The following USP40 variants were observed in gnomAD, a reference collection of about 807,000 sequenced individuals.
USP40 encodes the protein ubiquitin specific peptidase 40.
Under a neutral mutation model 166.2 loss-of-function variants are expected in USP40, and 143 were observed. The observed-to-expected ratio is 0.86, with a 90% CI of 0.75 to 0.99. The LOEUF is 0.99. USP40 is among the 50% of genes least tolerant of loss of function. The pLI, the probability that USP40 is intolerant of heterozygous loss-of-function variation, is 0.00. For synonymous variants in USP40, 498 were observed against 524.0 expected (o/e 0.95, Z 0.68); for missense variants, 1,444 against 1,479.7 (o/e 0.98, Z 0.40).
intron 18 of USP40, among the ~76,000 whole-genome samples, chr2:233,517,182 G>A (rs1412462271): frequency 6.6e-6 from 1 of 152,090 alleles, no homozygotes; most frequent in Non-Finnish European, 1.5e-5. Flanking sequence ...TGGCCATGTT[G>A]GTGTGGATAT....
chr2:233,514,362 A>G (rs1005929125), intron 18 of USP40, among the ~76,000 whole-genome samples: 5 of 152,238 alleles, frequency 3.3e-5, no homozygotes, highest in Non-Finnish European at 5.9e-5. Flanking sequence ...AACATCTCAT[A>G]TAAGACCAAA....
intron 24 of USP40, among the ~76,000 whole-genome samples, chr2:233,496,444 C>A (rs2065755528): frequency 5.3e-5 from 8 of 152,072 alleles, no homozygotes; most frequent in Admixed American, 5.2e-4. Flanking sequence ...AAGTTTCCAA[C>A]AATGAGGATA....
chr2:233,564,145 T>C (rs776841536), intron 2 of USP40, among the ~76,000 whole-genome samples: 2 of 152,126 alleles, frequency 1.3e-5, no homozygotes, highest in African/African-American at 2.4e-5. Flanking sequence ...ACCCATTAAA[T>C]TGCTCCTAGG....
chr2:233,495,243 G>A (rs1232704754), intron 24 of USP40, among the ~76,000 whole-genome samples: 1 of 151,532 alleles, frequency 6.6e-6, no homozygotes, highest in African/African-American at 2.4e-5. Context: ...AATCTTTTGT[G>A]CAAATAAAAA....
Position 233,510,058 on chromosome 2 carries a change from A to G in USP40, c.2604T>C (p.Ser868=). 1 of 1,589,824 alleles carries G rather than the reference A, an allele frequency of 6.3e-7. No homozygotes were observed. The highest frequency in any genetic ancestry group is 8.6e-7 in the Non-Finnish European group (1 of 1,166,610). Residue 868 remains serine, a synonymous_variant, in exon 21 of 32, where the codon TCT becomes TCC. Transcript: ENST00000678225. ...EMEIVVEETI[S]VRDCLKLMLK... ...AGGTAAAATTACTTACATCTCTCAC[A>G]GATATTGTTTCTTCTACTACGATTT...
intron 28 of USP40, 151 bp downstream of exon 28, chr2:233,488,080 GACATACAA>G: frequency 1.4e-6 from 1 of 735,210 alleles, no homozygotes. Flanking sequence ...TAGATGCCCA[GACATACAA>G]ACATATTTCT....
At position 233,514,042 on chromosome 2, in the gene USP40, A is replaced by G. The variant is rs909926156; in HGVS notation, c.2384-1420T>C. On this transcript the variant is annotated intron_variant, in intron 18 of 31. Coordinates refer to ENST00000678225, the MANE Select transcript of USP40 (RefSeq NM_001365479.2). ...TTGTCGACGGAAACAATTTACTTAA[A>G]GAGTTCCCCAACTTAAAAAGTGCTT... 4.6e-5 allele frequency among the ~76,000 whole-genome samples: 7 copies of G among 152,248 alleles called. No individual in the cohort carries two copies. The East Asian group carries it at 1.3e-3, about 29-fold the overall frequency.
At position 233,565,556 on chromosome 2, in the gene USP40, G is replaced by C; in HGVS notation, c.-2C>G. The C allele has an allele frequency of 3.9e-6, 6 of 1,536,478 alleles. No homozygotes were observed. Among genetic ancestry groups the C allele is most frequent in the Non-Finnish European group, 5.2e-6 (6 of 1,146,630 alleles). ...CTCTTCAAACAGGTCCCCAAACATT[G>C]TGAAACTAAATACTACCCTTAAAAA... is the stretch of plus-strand genomic sequence containing the variant. On this transcript the variant is annotated 5_prime_UTR_variant, in exon 2 of 32. Transcript: ENST00000678225.
rs764025570 is a variant in USP40, at chr2:233,523,487, A to G, written c.1884T>C (p.Val628=). The G allele has an allele frequency of 4.0e-5, 65 of 1,611,480 alleles. No homozygotes were observed. Among genetic ancestry groups the G allele is most frequent in the Non-Finnish European group, 5.4e-5 (64 of 1,178,346 alleles). ...EDIFVWNGVE[V]GGVHIQTGID... ...TACCAGTTTGAATGTGGACTCCACC[A>G]ACCTGCAATCATACCAAGACAACCA... The change falls in exon 16 of 32, where the codon GTT becomes GTC. Residue 628 remains valine (V), a splice_region_variant and synonymous_variant. Transcript: ENST00000678225.
At chr2:233,501,232 A>T (rs2066054903) in intron 21 of USP40, among the ~76,000 whole-genome samples, 1 of 152,184 alleles carries the variant, frequency 6.6e-6, no homozygotes, top group African/African-American at 2.4e-5. Flanking sequence ...GAGAGCATAA[A>T]AGCCTTATTT....
Position 233,525,488 on chromosome 2 carries a change from C to G in USP40, c.1800G>C (p.Gln600His), listed in dbSNP as rs1343102063. Residue 600 changes from glutamine to histidine, a missense_variant, in exon 14 of 32, where the codon CAG becomes CAC. Coordinates refer to ENST00000678225, the MANE Select transcript of USP40 (RefSeq NM_001365479.2). The stretch of plus-strand genomic sequence containing the variant: ...TCATATTTATCTTACCGCCAAGTGA[C>G]TGGTAAATGTGAAGTCCTGCTGGTA... ...KLVPAGLHIY[Q>H]SLGGDELTLC... 8.7e-6 allele frequency: 14 copies of G among 1,612,366 alleles called. No homozygotes were observed. The highest frequency in any genetic ancestry group is 1.2e-5 in the Non-Finnish European group (14 of 1,178,910).
Position 233,485,784 on chromosome 2 carries a change from G to A in USP40, c.3391C>T (p.Leu1131Phe). The change falls in exon 29 of 32, where the codon CTT becomes TTT. Residue 1131 changes from leucine to phenylalanine, a missense_variant. Leu to Phe is a conservative substitution (Grantham distance 22). Transcript: ENST00000678225. ...AACTTTACCCAGCTAGATATCGGAA[G>A]CCACTCGAACTTTTCGGGAAAGTAT... ...AKYFPEKFEWLPISSWNQQIT... is the reference protein window; with the variant it reads ...AKYFPEKFEWFPISSWNQQIT... The A allele has an allele frequency of 6.2e-7, 1 of 1,612,916 alleles. No homozygotes were observed. The highest frequency in any genetic ancestry group is 8.5e-7 in the Non-Finnish European group (1 of 1,179,564).
At chr2:233,494,504 T>C (rs2065540186) in intron 24 of USP40, among the ~76,000 whole-genome samples, 1 of 152,076 alleles carries the variant, frequency 6.6e-6, no homozygotes, top group Admixed American at 6.6e-5. Context: ...GAAAGCCACA[T>C]ATGCAAGAAT....
intron 5 of USP40, among the ~76,000 whole-genome samples, chr2:233,556,118 A>ACC (rs2071067054): frequency 2.7e-5 from 4 of 150,734 alleles, no homozygotes; most frequent in African/African-American, 9.7e-5. Flanking sequence ...TCCATCTCAA[A>ACC]AAAAAAAAAA....
Position 233,491,252 on chromosome 2 carries a change from C to T in USP40, c.2927G>A (p.Gly976Glu), listed in dbSNP as rs1287631792. 1 of 1,611,092 alleles carries T rather than the reference C, an allele frequency of 6.2e-7. No individual in the cohort carries two copies. The highest frequency in any genetic ancestry group is 1.7e-5 in the Admixed American group (1 of 59,748). Residue 976 changes from glycine to glutamate, a missense_variant, in exon 26 of 32, where the codon GGG (glycine) becomes GAG (glutamate). Coordinates refer to ENST00000678225, the MANE Select transcript of USP40 (RefSeq NM_001365479.2). ...GAGAGAAACTTGCGCAGGCTCGTTC[C>T]CAGAAGCACCTTCCAAAGGACAGAG... ...WRATSSQGAS[G>E]NEPAQVSLLY...
In USP40 at chr2:233,529,503, T is replaced by A. The variant is rs1371768448; in HGVS notation, c.1481A>T (p.Asn494Ile). 6.3e-7 allele frequency: 1 copy of A among 1,581,262 alleles called. No homozygotes were observed. The highest frequency in any genetic ancestry group is 1.3e-5 in the African/African-American group (1 of 74,588). Residue 494 changes from asparagine to isoleucine, a missense_variant, in exon 12 of 32, where the codon AAT (asparagine) becomes ATT (isoleucine). Coordinates refer to ENST00000678225, the MANE Select transcript of USP40 (RefSeq NM_001365479.2). ...ATGACATGGAACCCCATATCTTGGA[T>A]TAGCTCGAGCTGTGAACAAAATTTT... Reference protein sequence around the residue: ...QLQRPPEARANPRYGVPCHLL... With the variant: ...QLQRPPEARAIPRYGVPCHLL...
At position 233,486,111 on chromosome 2, in the gene USP40, G is replaced by A; in HGVS notation, c.3198-134C>T. The stretch of plus-strand genomic sequence containing the variant: ...AGGAGAGATTTTTCCCTAAATGCTG[G>A]ATGCTAGTGGCAAACTCTTATTCCG... On this transcript the variant is annotated intron_variant, in intron 28 of 31. Transcript: ENST00000678225. The surrounding 1 kb of genome is among the most constrained non-coding windows in gnomAD (Gnocchi z 4.0). The A allele has an allele frequency of 1.1e-6, 1 of 933,038 alleles. No individual in the cohort carries two copies. 57.8% of individuals were successfully genotyped at this position (933,038 alleles called of 1,614,324 possible).
In USP40 at chr2:233,565,438, A is replaced by G. The variant is rs1302425930; in HGVS notation, c.117T>C (p.Asn39=). ...CACCCTGATTTCTGATTCCGCTTAAATTGGTGAATTCTCTAGGAGCAGGTG... is the reference window on the plus strand; with the variant it reads ...CACCCTGATTTCTGATTCCGCTTAAGTTGGTGAATTCTCTAGGAGCAGGTG... ...LEPPAPREFT[N]LSGIRNQGGT... The change falls in exon 2 of 32, where the codon AAT becomes AAC. Residue 39 remains asparagine, a synonymous_variant. Transcript: ENST00000678225. 3.3e-6 allele frequency: 5 copies of G among 1,537,174 alleles called. No homozygotes were observed. The highest frequency in any genetic ancestry group is 4.4e-6 in the Non-Finnish European group (5 of 1,146,886).
At chr2:233,513,897 T>C (rs1252908498) in intron 18 of USP40, among the ~76,000 whole-genome samples, 1 of 152,170 alleles carries the variant, frequency 6.6e-6, no homozygotes, top group African/African-American at 2.4e-5. Context: ...ACAACAATAG[T>C]CTGAGCCTTA....
Sources: allele counts gnomAD v4.1 joint callset (sites outside exome capture counted in the v4.1 genomes callset), GRCh38; gene constraint gnomAD v4.1.1; non-coding constraint Gnocchi (gnomAD v3.1); transcripts MANE v1.5; gene names NCBI Gene and HGNC (gene_info 2026-07-23, HGNC 2026-07-21).